Variants in AGBL4 observed in about 807,000 individuals in gnomAD.
The protein encoded by AGBL4 is cytosolic carboxypeptidase 6.
In AGBL4, 58 loss-of-function variants were observed where a neutral mutation model predicts 66.4. That is an observed-to-expected ratio of 0.87 (90% CI 0.71 to 1.09). The LOEUF (loss-of-function observed/expected upper bound fraction) is 1.09, where lower values mean the gene tolerates loss of function less well. Among genes scored for constraint, AGBL4 ranks in the 50% least tolerant of loss-of-function variants. The pLI, the probability that AGBL4 is intolerant of heterozygous loss-of-function variation, is 0.00. For missense variants in AGBL4, 579 were observed against 631.0 expected (o/e 0.92, Z 0.88); for synonymous variants, 234 against 222.9 (o/e 1.05, Z -0.44).
At chr1:48,911,480 C>T (rs962382168) in intron 5 of AGBL4, among the ~76,000 whole-genome samples, 4 of 151,890 alleles carry the variant, frequency 2.6e-5, no homozygotes, top group East Asian at 1.9e-4. Context: ...ATTAGCCAGG[C>T]GTGGTGGTGG....
In AGBL4 at chr1:49,448,330, A is replaced by T. The variant is rs115098878; in HGVS notation, c.283-202466T>A. Among the ~76,000 whole-genome samples, 962 of 152,214 alleles carry T rather than the reference A, an allele frequency of 6.3e-3. 6 individuals carry two copies. Among genetic ancestry groups the T allele is most frequent in the South Asian group, 0.012 (57 of 4,814 alleles). On this transcript the variant is annotated intron_variant, in intron 3 of 13. Transcript: ENST00000371839. ...CCACTTGATTTCAGATTCTGTGTTT[A>T]TGTTGGCTTCCTTCTCCCCGTCTCC...
At chr1:49,785,439 T>C (rs1644429978) in intron 2 of AGBL4, among the ~76,000 whole-genome samples, 1 of 152,044 alleles carries the variant, frequency 6.6e-6, no homozygotes, top group Non-Finnish European at 1.5e-5. Flanking sequence ...ACCCCATAAG[T>C]ATATATTACT....
chr1:48,848,267 C>T (rs530554637), intron 6 of AGBL4, among the ~76,000 whole-genome samples: 5 of 152,288 alleles, frequency 3.3e-5, no homozygotes, highest in South Asian at 2.1e-4. Flanking sequence ...ACTTAATGGG[C>T]GGACTACAAC....
chr1:49,464,790 G>A (rs1646590077), intron 3 of AGBL4, among the ~76,000 whole-genome samples: 1 of 151,648 alleles, frequency 6.6e-6, no homozygotes, highest in South Asian at 2.1e-4. Context: ...TCAGTAGCTT[G>A]AACATAGTAG....
intron 9 of AGBL4, among the ~76,000 whole-genome samples, chr1:48,609,055 A>C (rs752996357): frequency 1.3e-5 from 2 of 152,152 alleles, no homozygotes; most frequent in Non-Finnish European, 2.9e-5. Context: ...GGATCAGATA[A>C]ATAGGCCAGA....
At chr1:49,930,733 C>T (rs1052710930) in intron 1 of AGBL4, among the ~76,000 whole-genome samples, 8 of 152,038 alleles carry the variant, frequency 5.3e-5, no homozygotes, top group African/African-American at 1.9e-4. Context: ...CAATAAGATT[C>T]TCAGCAAAAT....
intron 3 of AGBL4, among the ~76,000 whole-genome samples, chr1:49,522,995 C>T (rs1650385122): frequency 2.0e-5 from 3 of 151,962 alleles, no homozygotes; most frequent in Admixed American, 1.3e-4. Flanking sequence ...TTCAGGGGTG[C>T]ATAGCAATGT....
chr1:49,815,204 C>G (rs935054413), intron 2 of AGBL4, among the ~76,000 whole-genome samples: 1 of 152,168 alleles, frequency 6.6e-6, no homozygotes, highest in Non-Finnish European at 1.5e-5. Context: ...AAACATTCTT[C>G]TACTCTCTAA....
intron 3 of AGBL4, among the ~76,000 whole-genome samples, chr1:49,434,731 G>GGTGGTGGT (rs1645865187): frequency 6.6e-6 from 1 of 151,168 alleles, no homozygotes; most frequent in Admixed American, 6.6e-5. Flanking sequence ...TGGTGGTGGT[G>GGTGGTGGT]GTGTGTGTGT....
chr1:49,738,227 C>A (rs184043708), intron 2 of AGBL4, among the ~76,000 whole-genome samples: 1 of 152,358 alleles, frequency 6.6e-6, no homozygotes, highest in Admixed American at 6.5e-5. Flanking sequence ...GCTTTTCCAA[C>A]AGTCTTACTA....
At chr1:49,237,586 A>C (rs1650888513) in intron 4 of AGBL4, among the ~76,000 whole-genome samples, 1 of 143,218 alleles carries the variant, frequency 7.0e-6, no homozygotes, top group South Asian at 2.1e-4. Context: ...AACCTATCAC[A>C]GTCTACTGGT....
At chr1:49,789,380 G>C (rs1023657675) in intron 2 of AGBL4, among the ~76,000 whole-genome samples, 2 of 152,176 alleles carry the variant, frequency 1.3e-5, no homozygotes, top group African/African-American at 2.4e-5. Flanking sequence ...AATAGGAAGA[G>C]AGGAAGTCAA....
intron 3 of AGBL4, among the ~76,000 whole-genome samples, chr1:49,301,196 A>C (rs763093714): frequency 4.6e-5 from 7 of 152,200 alleles, no homozygotes; most frequent in Non-Finnish European, 1.0e-4. Flanking sequence ...GGAGCTATCA[A>C]ATGATTCTGG....
chr1:49,814,943 G>A (rs1052248402), intron 2 of AGBL4, among the ~76,000 whole-genome samples: 20 of 152,054 alleles, frequency 1.3e-4, no homozygotes, highest in Non-Finnish European at 2.6e-4. Context: ...TGATAGAGAC[G>A]TGCAATGCAA....
chr1:49,831,462 TC>T (rs1645675824), intron 2 of AGBL4, among the ~76,000 whole-genome samples: 1 of 152,232 alleles, frequency 6.6e-6, no homozygotes, highest in Non-Finnish European at 1.5e-5. Flanking sequence ...TGATTTTGTA[TC>T]CTGAGACTTT....
At chr1:48,971,675 GA>G (rs1338036728) in intron 5 of AGBL4, among the ~76,000 whole-genome samples, 6 of 152,166 alleles carry the variant, frequency 3.9e-5, no homozygotes, top group African/African-American at 1.4e-4. Context: ...AGAGTGAATA[GA>G]CAGAAGAACT....
At chr1:48,743,375 C>G (rs934297192) in intron 6 of AGBL4, among the ~76,000 whole-genome samples, 2 of 152,148 alleles carry the variant, frequency 1.3e-5, no homozygotes, top group Non-Finnish European at 2.9e-5. Flanking sequence ...GCAGTTTAAA[C>G]AGCAAAAAGG....
Position 48,736,390 on chromosome 1 carries a change from T to C in AGBL4, c.635-73149A>G, listed in dbSNP as rs35648018. 2.7e-4 allele frequency: 441 copies of C among 1,614,190 alleles called. 2 individuals carry two copies. The African/African-American group carries it at 4.9e-3, about 18-fold the overall frequency. ...AGTTCTTCGTGTACTTGGAATCTCC[T>C]TGGGTTACTTGTAGCTGGTGCCATT... On this transcript the variant is annotated intron_variant, in intron 6 of 13. Coordinates refer to ENST00000371839, the MANE Select transcript of AGBL4 (RefSeq NM_032785.4). This position sits in a 1 kb window ranked among gnomAD's most constrained non-coding sequence, Gnocchi z 4.0.
At chr1:49,851,609 C>T in intron 1 of AGBL4, 91 bp from the exon 2 acceptor site, 1 of 1,351,368 alleles carries the variant, frequency 7.4e-7, no homozygotes, top group African/African-American at 1.5e-5. Flanking sequence ...TCCCTAGTCA[C>T]CAAGTGTTAA....
Sources: allele counts gnomAD v4.1 joint callset (sites outside exome capture counted in the v4.1 genomes callset), GRCh38; gene constraint gnomAD v4.1.1; non-coding constraint Gnocchi (gnomAD v3.1); transcripts MANE v1.5; gene names NCBI Gene and HGNC (gene_info 2026-07-23, HGNC 2026-07-21).